Variants in VPS13A observed in about 807,000 individuals in gnomAD.
VPS13A encodes the protein intermembrane lipid transfer protein VPS13A.
A neutral mutation model predicts 390.9 loss-of-function variants in VPS13A; 264 were observed. That is an observed-to-expected ratio of 0.68 (90% CI 0.61 to 0.75). The LOEUF is 0.75. Ranked by LOEUF, VPS13A falls within the 30% of genes least tolerant of loss-of-function variation. The pLI, the probability that VPS13A is intolerant of heterozygous loss-of-function variation, is 0.00. For missense variants in VPS13A, 3,409 were observed against 3,733.9 expected (o/e 0.91, Z 2.27); for synonymous variants, 1,231 against 1,227.1 (o/e 1.00, Z -0.07).
chr9:77,248,440 G>A (rs1587415047), intron 20 of VPS13A, among the ~76,000 whole-genome samples: 1 of 151,304 alleles, frequency 6.6e-6, no homozygotes. Context: ...GGATGGTCTC[G>A]ATCTCCTGAC....
chr9:77,408,753 C>T lies in VPS13A; in HGVS notation c.9474+1146C>T, dbSNP rs533395654. ...GGCAGCAGAGAGGCTGGGGGAGGGG[C>T]GCCCGCCATTGCCCAGGCTTGAGTA... is the stretch of plus-strand genomic sequence containing the variant. On this transcript the variant is annotated intron_variant, in intron 71 of 71. Transcript: ENST00000360280. Among the ~76,000 whole-genome samples the T allele has an allele frequency of 3.4e-3, 525 of 152,298 alleles. 1 individual carries two copies. The highest frequency in any genetic ancestry group is 5.6e-3 in the Non-Finnish European group (381 of 68,020).
intron 26 of VPS13A, among the ~76,000 whole-genome samples, chr9:77,279,178 C>A (rs1826868223): frequency 6.6e-6 from 1 of 152,158 alleles, no homozygotes; most frequent in South Asian, 2.1e-4. Context: ...AATTGGATGA[C>A]ATGTGGGCTG....
Position 77,210,618 on chromosome 9 carries a change from C to T in VPS13A, c.498C>T (p.Ile166=). 1 of 1,613,644 alleles carries T rather than the reference C, an allele frequency of 6.2e-7. No individual in the cohort carries two copies. Among genetic ancestry groups the T allele is most frequent in the Admixed American group, 1.7e-5 (1 of 59,998 alleles). Residue 166 remains isoleucine, a splice_region_variant and synonymous_variant, in exon 7 of 72, where the codon ATC becomes ATT. Transcript: ENST00000360280. ...ATTTTACTTTCTTTCCTCTTTAGAT[C>T]ACAAATCGGGACAAACCGCTGTCAT... ...SSIHIRYEDD[I]TNRDKPLSFG... is the part of the protein sequence containing the mutation.
At chr9:77,354,831 C>T (rs528996220) in intron 54 of VPS13A, among the ~76,000 whole-genome samples, 1 of 152,222 alleles carries the variant, frequency 6.6e-6, no homozygotes, top group East Asian at 1.9e-4. Context: ...TGCTATCTAC[C>T]AGCGTTTGCA....
intron 31 of VPS13A, among the ~76,000 whole-genome samples, chr9:77,287,171 GA>G (rs1288241954): frequency 6.8e-6 from 1 of 147,034 alleles, no homozygotes; most frequent in African/African-American, 2.5e-5. Flanking sequence ...AATAAATTAA[GA>G]AAAAACTAAT....
rs748718154 is a variant in VPS13A at position 77,368,014 on chromosome 9, C to G, written c.8472-41C>G. The G allele has an allele frequency of 2.6e-6, 4 of 1,522,844 alleles. No individual in the cohort carries two copies. In the East Asian group the frequency reaches 9.2e-5, roughly 35 times the overall value. The allele number at this position is 1,522,844 out of a possible 1,614,324, so 94.3% of individuals were successfully genotyped here. On this transcript the variant is annotated intron_variant, in intron 61 of 71. Transcript: ENST00000360280. ...TCATTAATATTAAAAATACTTTCTT[C>G]ATACACATGTACAGACAATATATTT... is the stretch of plus-strand genomic sequence containing the variant.
intron 26 of VPS13A, among the ~76,000 whole-genome samples, chr9:77,278,764 G>A (rs1281519681): frequency 1.3e-5 from 2 of 152,170 alleles, no homozygotes; most frequent in East Asian, 1.9e-4. Flanking sequence ...TCTAGCAACC[G>A]TAAGTCATTT....
Position 77,419,452 on chromosome 9 carries a change from C to A in VPS13A, c.*3446C>A, listed in dbSNP as rs3824402. The A allele has an allele frequency of 6.6e-6, 1 of 151,934 alleles. No individual in the cohort carries two copies. Among genetic ancestry groups the A allele is most frequent in the Non-Finnish European group, 1.5e-5 (1 of 67,986 alleles). 9.4% of individuals were successfully genotyped at this position (151,934 alleles called of 1,614,324 possible). On this transcript the variant is annotated 3_prime_UTR_variant, in exon 72 of 72. Transcript: ENST00000360280. ...CTTGAAAGACTGCTGCAGGAGGCAC[C>A]GGCCATCCAGTGATTGTTGGAAGAG...
intron 17 of VPS13A, among the ~76,000 whole-genome samples, chr9:77,233,110 A>T (rs1212684701): frequency 6.6e-6 from 1 of 152,046 alleles, no homozygotes; most frequent in African/African-American, 2.4e-5. Flanking sequence ...CCTATTAGTT[A>T]TCTGATTTTC....
At chr9:77,181,029 A>G (rs1466330002) in intron 1 of VPS13A, among the ~76,000 whole-genome samples, 1 of 152,210 alleles carries the variant, frequency 6.6e-6, no homozygotes, top group African/African-American at 2.4e-5. Flanking sequence ...CAACCTAGGC[A>G]ACAGACAGCG....
intron 34 of VPS13A, among the ~76,000 whole-genome samples, chr9:77,305,159 T>C (rs142483286): frequency 0.011 from 1,638 of 152,196 alleles, 32 homozygotes; most frequent in African/African-American, 0.037. Context: ...AGGATGGTCT[T>C]GATCTCCTGA....
intron 19 of VPS13A, among the ~76,000 whole-genome samples, chr9:77,240,487 T>A (rs984447727): frequency 6.6e-6 from 1 of 150,662 alleles, no homozygotes; most frequent in East Asian, 1.9e-4. Flanking sequence ...TGTTTTTTTT[T>A]TTTTTTTTTG....
intron 23 of VPS13A, among the ~76,000 whole-genome samples, chr9:77,263,581 T>TC (rs1266795250): frequency 6.6e-6 from 1 of 152,224 alleles, no homozygotes; most frequent in African/African-American, 2.4e-5. Context: ...CGCCTACTTT[T>TC]TGATGGGGTT....
chr9:77,237,630 G>T (rs1438782863), intron 17 of VPS13A, among the ~76,000 whole-genome samples: 3 of 152,162 alleles, frequency 2.0e-5, no homozygotes, highest in Non-Finnish European at 4.4e-5. Flanking sequence ...CTCCCAAAAT[G>T]CTGGGATTAC....
At chr9:77,368,177 G>T in intron 62 of VPS13A, 41 bp downstream of exon 62, 2 of 1,531,538 alleles carry the variant, frequency 1.3e-6, no homozygotes, top group Non-Finnish European at 1.8e-6. Flanking sequence ...GAGTGATACA[G>T]ACTGGTAAAA....
chr9:77,310,429 A>G (rs2131415742), intron 35 of VPS13A, among the ~76,000 whole-genome samples: 1 of 152,326 alleles, frequency 6.6e-6, no homozygotes, highest in African/African-American at 2.4e-5. Flanking sequence ...TATATAACTG[A>G]TACAGACAGG....
intron 59 of VPS13A, among the ~76,000 whole-genome samples, chr9:77,365,167 A>C (rs1212641776): frequency 6.6e-6 from 1 of 152,216 alleles, no homozygotes; most frequent in African/African-American, 2.4e-5. Context: ...TACCCAAGAG[A>C]GTGTTGATGG....
chr9:77,269,758 G>A (rs1239353428), intron 23 of VPS13A, among the ~76,000 whole-genome samples: 1 of 152,038 alleles, frequency 6.6e-6, no homozygotes, highest in Non-Finnish European at 1.5e-5. Flanking sequence ...ATAGTGTATG[G>A]GCTGAATTGT....
chr9:77,195,918 C>T lies in VPS13A; in HGVS notation c.101-4027C>T, dbSNP rs778045409. Among the ~76,000 whole-genome samples the T allele has an allele frequency of 2.0e-5, 3 of 151,658 alleles. No homozygotes were observed. In the South Asian group the frequency reaches 6.2e-4, roughly 32 times the overall value. On this transcript the variant is annotated intron_variant, in intron 1 of 71. Transcript: ENST00000360280. ...TAGGTGGTGATTTGGGATGTTTCTT[C>T]TTTTTAAACATAAACAGTTACAGCT...
Sources: allele counts gnomAD v4.1 joint callset (sites outside exome capture counted in the v4.1 genomes callset), GRCh38; gene constraint gnomAD v4.1.1; transcripts MANE v1.5; gene names NCBI Gene and HGNC (gene_info 2026-07-23, HGNC 2026-07-21).